NOBOX: variants seen among roughly 807,000 people sequenced by gnomAD.
The protein encoded by NOBOX is NOBOX oogenesis homeobox.
A neutral mutation model predicts 60.2 loss-of-function variants in NOBOX; 46 were observed. The ratio of observed to expected loss-of-function variants is 0.76; its 90% CI spans 0.60 to 0.98. The LOEUF is 0.98. NOBOX is among the 50% of genes least tolerant of loss of function. The probability of loss-of-function intolerance (pLI) is 0.00; values close to 1 mark genes in which losing one functional copy is unlikely to be tolerated. For missense variants in NOBOX, 880 were observed against 865.5 expected (o/e 1.02, Z -0.21); for synonymous variants, 360 against 346.3 (o/e 1.04, Z -0.44).
rs751863299 is a variant in NOBOX, at chr7:144,399,021, C to T, written c.1398G>A (p.Met466Ile). The T allele has an allele frequency of 2.5e-6, 4 of 1,594,482 alleles. No homozygotes were observed. The South Asian group carries it at 4.5e-5, about 18-fold the overall frequency. Reference sequence around the variant, plus strand: ...TGCCAGCAACATCCATCAGCAGTGGCATCAGTTGGGGGGTGTGGACAGGGC... The same window carrying T: ...TGCCAGCAACATCCATCAGCAGTGGTATCAGTTGGGGGGTGTGGACAGGGC... Residue 466 changes from methionine to isoleucine, a missense_variant, in exon 8 of 10, where the codon ATG (methionine) becomes ATA (isoleucine). Physicochemically the swap from Met to Ile is conservative, Grantham distance 10. Coordinates refer to ENST00000467773, the MANE Select transcript of NOBOX (RefSeq NM_001080413.3).
Position 144,399,746 on chromosome 7 carries a change from A to G in NOBOX, c.1154+11T>C, listed in dbSNP as rs757388. 0.6 allele frequency: 949,957 copies of G among 1,591,958 alleles called. 287,660 individuals carry two copies. The highest frequency in any genetic ancestry group is 0.8 in the South Asian group (70,854 of 88,524). The stretch of plus-strand genomic sequence containing the variant: ...CCACAGGGATGATACAGAAAGAGGA[A>G]GAATTCTGACCTGCATTGACTGCTG... On this transcript the variant is annotated intron_variant, in intron 6 of 9. Coordinates refer to ENST00000467773, the MANE Select transcript of NOBOX (RefSeq NM_001080413.3).
intron 2 of NOBOX, among the ~76,000 whole-genome samples, chr7:144,402,752 T>A (rs1167049014): frequency 4.2e-5 from 1 of 24,058 alleles, no homozygotes; most frequent in African/African-American, 1.9e-4. Context: ...AATAACATTT[T>A]TTTTTTTTTT....
intron 2 of NOBOX, chr7:144,404,490 C>CTTTTGTATT: frequency 7.2e-7 from 1 of 1,398,358 alleles, no homozygotes. Flanking sequence ...TTCAAGTTAT[C>CTTTTGTATT]TGCCCGCCTG....
At position 144,399,664 on chromosome 7, in the gene NOBOX, G is replaced by C. The variant is rs1183703998; in HGVS notation, c.1154+93C>G. 3.3e-6 allele frequency: 4 copies of C among 1,214,956 alleles called. No individual in the cohort carries two copies. The African/African-American group carries it at 6.0e-5, about 18-fold the overall frequency. The allele number at this position is 1,214,956 out of a possible 1,614,324, so 75.3% of individuals were successfully genotyped here. On this transcript the variant is annotated intron_variant, in intron 6 of 9. Coordinates refer to ENST00000467773, the MANE Select transcript of NOBOX (RefSeq NM_001080413.3). ...CTGGCAACCCTAGGACTCATGCCTA[G>C]CCTTCCAATGGTCTCCTTCTAGACC...
chr7:144,400,132 C>G lies in NOBOX; in HGVS notation c.1025G>C (p.Ser342Thr), dbSNP rs193303103. The G allele has an allele frequency of 3.1e-6, 5 of 1,613,422 alleles. No individual in the cohort carries two copies. Among genetic ancestry groups the G allele is most frequent in the South Asian group, 2.2e-5 (2 of 91,078 alleles). ...TACCCAGGCTACCGCTGAGCGCTCACTCTGCAATTCGAGTGTTTCAATGGT... is the reference window on the plus strand; with the variant it reads ...TACCCAGGCTACCGCTGAGCGCTCAGTCTGCAATTCGAGTGTTTCAATGGT... The change falls in exon 5 of 10, where the codon AGT becomes ACT. Residue 342 changes from serine (S) to threonine (T), a missense_variant. Coordinates refer to ENST00000467773, the MANE Select transcript of NOBOX (RefSeq NM_001080413.3).
rs574308793 is a variant in NOBOX at position 144,404,928 on chromosome 7, TGGGGAGC to T, written c.86-255_86-249del. Among the ~76,000 whole-genome samples, 190 of 151,758 alleles carry T rather than the reference TGGGGAGC, an allele frequency of 1.3e-3. 1 individual carries two copies. The highest frequency in any genetic ancestry group is 1.4e-3 in the Admixed American group (22 of 15,234). On this transcript the variant is annotated intron_variant, in intron 1 of 9. Transcript: ENST00000467773. ...ATAGAAACAGGTGCTTGGAGCTGGG[TGGGGAGC>T]GGGGCGGCCTGGAACAGAATCCAGG... is the stretch of plus-strand genomic sequence containing the variant.
rs757587180 is a variant in NOBOX at position 144,401,149 on chromosome 7, G to A, written c.741C>T (p.Leu247=). ...GGTTGCTCTGCGCCAATGTACTGAG[G>A]AGATTGGCCAGGTGGCAGGGCCCCC... Residue 247 remains leucine, a synonymous_variant, in exon 4 of 10, where the codon CTC becomes CTT. Transcript: ENST00000467773. This position sits in a 1 kb window ranked among gnomAD's most constrained non-coding sequence, Gnocchi z 4.2. 1 of 1,610,674 alleles carries A rather than the reference G, an allele frequency of 6.2e-7. No homozygotes were observed. Among genetic ancestry groups the A allele is most frequent in the Non-Finnish European group, 8.5e-7 (1 of 1,177,982 alleles).
At chr7:144,402,771 T>TG (rs1421394987) in intron 2 of NOBOX, among the ~76,000 whole-genome samples, 1 of 109,572 alleles carries the variant, frequency 9.1e-6, no homozygotes, top group African/African-American at 3.7e-5. Flanking sequence ...TTTTTTTTTT[T>TG]TTTGAGATGG....
intron 8 of NOBOX, 56 bp downstream of exon 6, chr7:144,398,894 C>A: frequency 1.0e-6 from 1 of 960,360 alleles, no homozygotes; most frequent in Non-Finnish European, 1.6e-6. Context: ...TCTCCATCTA[C>A]ACCCCCCTAC....
At chr7:144,398,220 C>T in intron 9 of NOBOX, 62 bp downstream of exon 7, 2 of 1,464,900 alleles carry the variant, frequency 1.4e-6, no homozygotes, top group South Asian at 2.4e-5. Flanking sequence ...GATAACTTGG[C>T]TCTTTGTCCC....
intron 9 of NOBOX, among the ~76,000 whole-genome samples, chr7:144,398,065 T>C (rs1467504287): frequency 6.6e-6 from 1 of 152,196 alleles, no homozygotes; most frequent in African/African-American, 2.4e-5. Flanking sequence ...AAGCCTGTTT[T>C]CCTGATGCCA....
chr7:144,399,728 G>T (rs373089709), intron 6 of NOBOX, 29 bp downstream of exon 4: 1 of 1,554,034 alleles, frequency 6.4e-7, no homozygotes, highest in Non-Finnish European at 8.8e-7. Context: ...TACCCACAGG[G>T]ATGATACAGA....
At position 144,399,683 on chromosome 7, in the gene NOBOX, C is replaced by T. The variant is rs997760865; in HGVS notation, c.1154+74G>A. On this transcript the variant is annotated intron_variant, in intron 6 of 9. Transcript: ENST00000467773. ...TGCCTAGCCTTCCAATGGTCTCCTTCTAGACCCTCAGGATCCCAGCTTGGA... is the reference window on the plus strand; with the variant it reads ...TGCCTAGCCTTCCAATGGTCTCCTTTTAGACCCTCAGGATCCCAGCTTGGA... 3.4e-5 allele frequency: 45 copies of T among 1,316,338 alleles called. No homozygotes were observed. In the East Asian group the frequency reaches 1.1e-3, roughly 32 times the overall value. 81.5% of individuals were successfully genotyped at this position (1,316,338 alleles called of 1,614,324 possible). A position where few individuals can be genotyped will look rare whatever the true frequency, so the allele number is the denominator to read the frequency against.
chr7:144,401,870 C>A lies in NOBOX; in HGVS notation c.291G>T (p.Arg97Ser), dbSNP rs1260297736. 5 of 1,587,662 alleles carry A rather than the reference C, an allele frequency of 3.1e-6. No homozygotes were observed. The highest frequency in any genetic ancestry group is 1.1e-5 in the South Asian group (1 of 90,416). ...ATCTCCTAATTTGGGGGTACTCACC[C>A]CTTGTGAGTTCCCTTTTCCCAGACA... Residue 97 changes from arginine (R) to serine (S), a missense_variant and splice_region_variant, in exon 3 of 10, where the codon AGG becomes AGT. Physicochemically the swap from Arg to Ser is moderately radical, Grantham distance 110. Transcript: ENST00000467773. The surrounding 1 kb of genome is among the most constrained non-coding windows in gnomAD (Gnocchi z 4.2).
chr7:144,397,103 C>T, downstream of NOBOX: 1 of 704,308 alleles, frequency 1.4e-6, no homozygotes, highest in South Asian at 2.3e-5. Context: ...ACAAGACGAG[C>T]CTACACAGGG....
intron 4 of NOBOX, among the ~76,000 whole-genome samples, chr7:144,400,753 G>T (rs2053931698): frequency 3.3e-5 from 5 of 152,168 alleles, no homozygotes; most frequent in Admixed American, 2.0e-4. Context: ...GGCCAGGCTG[G>T]TCTCAAACTC....
chr7:144,398,850 C>T, intron 8 of NOBOX, 100 bp downstream of exon 6: 1 of 704,700 alleles, frequency 1.4e-6, no homozygotes, highest in African/African-American at 1.8e-5. Context: ...CTGTGCTCCT[C>T]TCAGTTAACC....
chr7:144,408,860 G>A (rs543982440), intron 1 of NOBOX, among the ~76,000 whole-genome samples: 1 of 152,266 alleles, frequency 6.6e-6, no homozygotes, highest in African/African-American at 2.4e-5. Flanking sequence ...TGGCTATAGT[G>A]GTGGTTCCAC....
chr7:144,407,495 C>T (rs2053993872), intron 1 of NOBOX, among the ~76,000 whole-genome samples: 1 of 152,206 alleles, frequency 6.6e-6, no homozygotes. Flanking sequence ...AAGAGATGAC[C>T]TGTCCAAAGC....
Sources: gnomAD v4.1 joint callset for allele counts (sites outside exome capture counted in the v4.1 genomes callset) on GRCh38, gnomAD v4.1.1 for gene constraint, Gnocchi (gnomAD v3.1) non-coding constraint, MANE v1.5 for transcripts, NCBI Gene and HGNC (gene_info 2026-07-23, HGNC 2026-07-21) for gene names.